CHN2: variants seen among roughly 807,000 people sequenced by gnomAD.
The protein encoded by CHN2 is beta-chimaerin.
In CHN2, 35 loss-of-function variants were observed where a neutral mutation model predicts 56.3. The ratio of observed to expected loss-of-function variants is 0.62; its 90% CI spans 0.47 to 0.82. The LOEUF is 0.82. CHN2 is among the 40% of genes least tolerant of loss of function. The pLI, the probability that CHN2 is intolerant of heterozygous loss-of-function variation, is 0.00. For synonymous variants in CHN2, 210 were observed against 212.8 expected (o/e 0.99, Z 0.12); for missense variants, 491 against 580.5 (o/e 0.85, Z 1.58).
intron 3 of CHN2, among the ~76,000 whole-genome samples, chr7:29,371,139 T>C (rs1463822873): frequency 6.6e-6 from 1 of 152,188 alleles, no homozygotes; most frequent in Non-Finnish European, 1.5e-5. Context: ...CAGAAACCTG[T>C]GAAGAACAGG....
At chr7:29,192,467 C>T (rs1049275304), upstream of CHN2, 1 of 152,186 alleles carries the variant, frequency 6.6e-6, no homozygotes, top group Admixed American at 6.5e-5. Context: ...TACCCTATTG[C>T]ACAATTTGGG....
chr7:29,208,071 C>A (rs1584736247), intron 1 of CHN2, among the ~76,000 whole-genome samples: 1 of 152,226 alleles, frequency 6.6e-6, no homozygotes, highest in East Asian at 1.9e-4. Context: ...TGCAAAAGTC[C>A]TCTTCTTCCT....
chr7:29,211,129 G>A (rs1267512266), intron 1 of CHN2, among the ~76,000 whole-genome samples: 1 of 151,862 alleles, frequency 6.6e-6, no homozygotes, highest in Non-Finnish European at 1.5e-5. Flanking sequence ...GGAGTGCAGT[G>A]GCGCGATCTC....
At chr7:29,312,942 C>T (rs1473726324) in intron 1 of CHN2, among the ~76,000 whole-genome samples, 1 of 152,090 alleles carries the variant, frequency 6.6e-6, no homozygotes, top group Non-Finnish European at 1.5e-5. Flanking sequence ...TTTCCTTAGA[C>T]CCTACATTGA....
rs377630786 is a variant in CHN2, at chr7:29,398,579, C to T, written c.290+93C>T. ...AAGAATTGTAGCAGAGTATACATAA[C>T]ACAAAATTCATCATTTTTCCCATGT... is the stretch of plus-strand genomic sequence containing the variant. On this transcript the variant is annotated intron_variant, in intron 5 of 12. Transcript: ENST00000222792. 8 of 767,598 alleles carry T rather than the reference C, an allele frequency of 1.0e-5. No homozygotes were observed. In the South Asian group the frequency reaches 1.3e-4, roughly 12 times the overall value. 47.5% of individuals were successfully genotyped at this position (767,598 alleles called of 1,614,324 possible). A position where few individuals can be genotyped will look rare whatever the true frequency, so the allele number is the denominator to read the frequency against.
chr7:29,351,608 A>G (rs1797892950), intron 1 of CHN2, among the ~76,000 whole-genome samples: 1 of 152,178 alleles, frequency 6.6e-6, no homozygotes, highest in Non-Finnish European at 1.5e-5. Context: ...TATGCGATGG[A>G]GCCAGTGAGC....
At chr7:29,203,467 C>CAAAAAAA (rs11287820) in intron 1 of CHN2, among the ~76,000 whole-genome samples, 5 of 55,590 alleles carry the variant, frequency 9.0e-5, no homozygotes, top group Admixed American at 4.1e-4. Context: ...AACTCCGTCT[C>CAAAAAAA]AAAAAAAAAA....
chr7:29,408,970 T>A (rs1436918370), intron 6 of CHN2, among the ~76,000 whole-genome samples: 1 of 151,364 alleles, frequency 6.6e-6, no homozygotes, highest in Non-Finnish European at 1.5e-5. Flanking sequence ...GAAAGGAGAG[T>A]TACATGCTGA....
At chr7:29,188,243 A>C (rs1798963569) in intron 2 of CHN2, among the ~76,000 whole-genome samples, 1 of 152,218 alleles carries the variant, frequency 6.6e-6, no homozygotes, top group African/African-American at 2.4e-5. Flanking sequence ...CCATCATCAC[A>C]AAGTCTGTAA....
At chr7:29,297,290 T>C (rs973357183) in intron 1 of CHN2, among the ~76,000 whole-genome samples, 1 of 152,124 alleles carries the variant, frequency 6.6e-6, no homozygotes, top group Non-Finnish European at 1.5e-5. Context: ...TCTCCTAGTG[T>C]TCTGGGGACC....
At chr7:29,218,567 C>T (rs1411573803) in intron 1 of CHN2, among the ~76,000 whole-genome samples, 3 of 151,828 alleles carry the variant, frequency 2.0e-5, no homozygotes, top group African/African-American at 4.8e-5. Flanking sequence ...TGTCCAACAA[C>T]GATAGACTGG....
chr7:29,216,819 T>C (rs943887158), intron 1 of CHN2, among the ~76,000 whole-genome samples: 1 of 152,262 alleles, frequency 6.6e-6, no homozygotes, highest in Non-Finnish European at 1.5e-5. Flanking sequence ...TAACCGGCTA[T>C]ACTTATGAAA....
intron 6 of CHN2, among the ~76,000 whole-genome samples, chr7:29,463,185 A>G (rs1247451924): frequency 6.6e-6 from 1 of 151,934 alleles, no homozygotes; most frequent in Non-Finnish European, 1.5e-5. Context: ...GCCTCCCAAT[A>G]CACCTAGAAT....
At chr7:29,370,637 G>C (rs114987031) in intron 3 of CHN2, among the ~76,000 whole-genome samples, 2 of 151,790 alleles carry the variant, frequency 1.3e-5, no homozygotes, top group Non-Finnish European at 2.9e-5. Context: ...ATACTTTCCC[G>C]GGCCATGGGC....
chr7:29,413,119 T>C (rs576596436), intron 6 of CHN2, among the ~76,000 whole-genome samples: 18 of 152,300 alleles, frequency 1.2e-4, no homozygotes, highest in African/African-American at 4.3e-4. Flanking sequence ...GTTTTCTCTC[T>C]CCTTATACAC....
At chr7:29,370,650 C>G (rs972559864) in intron 3 of CHN2, among the ~76,000 whole-genome samples, 3 of 152,102 alleles carry the variant, frequency 2.0e-5, no homozygotes, top group African/African-American at 7.2e-5. Flanking sequence ...CCATGGGCCT[C>G]TCCCAGATTA....
At chr7:29,360,052 C>G (rs1798603659) in intron 2 of CHN2, among the ~76,000 whole-genome samples, 2 of 152,226 alleles carry the variant, frequency 1.3e-5, no homozygotes, top group Admixed American at 1.3e-4. Flanking sequence ...AATTATTCCT[C>G]AGCCTTACCC....
At chr7:29,442,097 T>G (rs981481312) in intron 6 of CHN2, among the ~76,000 whole-genome samples, 5 of 152,192 alleles carry the variant, frequency 3.3e-5, no homozygotes, top group African/African-American at 9.7e-5. Flanking sequence ...ATTATTTGGC[T>G]GTAAAAAGAA....
intron 1 of CHN2, among the ~76,000 whole-genome samples, chr7:29,290,359 G>T (rs1201475678): frequency 6.6e-6 from 1 of 152,162 alleles, no homozygotes; most frequent in Admixed American, 6.5e-5. Flanking sequence ...TGTTCCTTGT[G>T]GTTCTGTGGA....
Sources: allele counts gnomAD v4.1 joint callset (sites outside exome capture counted in the v4.1 genomes callset), GRCh38; gene constraint gnomAD v4.1.1; transcripts MANE v1.5; gene names NCBI Gene and HGNC (gene_info 2026-07-23, HGNC 2026-07-21).